Variants in PIEZO1 observed in about 807,000 individuals in gnomAD.
PIEZO1 encodes piezo type mechanosensitive ion channel component 1 (Er blood group), also known as piezo-type mechanosensitive ion channel component 1.
A neutral mutation model predicts 297.2 loss-of-function variants in PIEZO1; 296 were observed. The observed-to-expected ratio is 1.00, with a 90% confidence interval of 0.91 to 1.10. PIEZO1 has a LOEUF of 1.10. Among genes scored for constraint, PIEZO1 ranks in the 50% least tolerant of loss-of-function variants. The pLI is 0.00. For synonymous variants in PIEZO1, 2,427 were observed against 1,507.5 expected, an observed-to-expected ratio of 1.61 and a Z score of -14.13; for missense variants, 5,018 against 3,455.5, an observed-to-expected ratio of 1.45 and a Z score of -11.34.
At chr16:88,734,590 G>A (rs1905079930) in intron 15 of PIEZO1, 52 bp from the exon 16 acceptor site, 2 of 1,547,176 alleles carry the variant, frequency 1.3e-6, no homozygotes, top group South Asian at 1.2e-5. Context: ...AGCCGCTGCA[G>A]CCCCGGGGAA....
intron 43 of PIEZO1, 26 bp from the exon 44 acceptor site, chr16:88,719,747 G>A: frequency 6.5e-7 from 1 of 1,550,352 alleles, no homozygotes; most frequent in East Asian, 2.4e-5. Context: ...GTTCCCGTCA[G>A]GTGGGCTCCC....
At position 88,759,744 on chromosome 16, in the gene PIEZO1, C is replaced by G. The variant is rs147823574; in HGVS notation, c.65-10265G>C. Among the ~76,000 whole-genome samples, 744 of 152,304 alleles carry G rather than the reference C, an allele frequency of 4.9e-3. 5 individuals carry two copies. The highest frequency in any genetic ancestry group is 0.017 in the African/African-American group (702 of 41,562). On this transcript the variant is annotated intron_variant, in intron 1 of 50. Transcript: ENST00000301015. The stretch of plus-strand genomic sequence containing the variant: ...AAGAAGAAGGCTGGCAAGGTTGGCC[C>G]AGGGGACGGGGGGAAGCCAGCCCGC...
intron 1 of PIEZO1, among the ~76,000 whole-genome samples, chr16:88,758,806 AG>A (rs1272256352): frequency 1.3e-5 from 2 of 152,214 alleles, no homozygotes; most frequent in African/African-American, 4.8e-5. Context: ...CCCTCCTCAC[AG>A]GATTGTCGCA....
At chr16:88,724,986 A>G (rs1399156704) in intron 30 of PIEZO1, 23 bp downstream of exon 30, 2 of 1,430,792 alleles carry the variant, frequency 1.4e-6, no homozygotes, top group Non-Finnish European at 1.8e-6. Context: ...GAGGGTGGCC[A>G]CAGGCGGCCT....
At chr16:88,756,872 C>G (rs12598064) in intron 1 of PIEZO1, among the ~76,000 whole-genome samples, 7 of 151,918 alleles carry the variant, frequency 4.6e-5, no homozygotes, top group African/African-American at 1.2e-4. Context: ...GTCAGGAGAT[C>G]GAGACCATCC....
At position 88,716,841 on chromosome 16, in the gene PIEZO1, A is replaced by G; in HGVS notation, c.6718T>C (p.Tyr2240His). The stretch of plus-strand genomic sequence containing the variant: ...TCAAACTGCCGGGACAGCTCCTCAT[A>G]GGCCTGGGCCGTGAAGGGGATGATG... The part of the protein sequence containing the change: ...PSIIPFTAQA[Y>H]EELSRQFDPQ... The change falls in exon 46 of 51, where the codon TAT becomes CAT. Residue 2240 changes from tyrosine (Y) to histidine (H), a missense_variant. Coordinates refer to ENST00000301015, the MANE Select transcript of PIEZO1 (RefSeq NM_001142864.4). 1 of 1,550,138 alleles carries G rather than the reference A, an allele frequency of 6.5e-7. No individual in the cohort carries two copies. Among genetic ancestry groups the G allele is most frequent in the East Asian group, 2.4e-5 (1 of 40,924 alleles).
intron 44 of PIEZO1, 54 bp downstream of exon 44, chr16:88,719,520 G>C (rs1912275417): frequency 1.3e-6 from 2 of 1,500,076 alleles, no homozygotes; most frequent in Non-Finnish European, 9.1e-7. Flanking sequence ...CTCTGTCTTA[G>C]GGAGAGGGCA....
Position 88,721,968 on chromosome 16 carries a change from G to A in PIEZO1, c.5054C>T (p.Ala1685Val), listed in dbSNP as rs1008288721. The change falls in exon 37 of 51, where the codon GCC (alanine) becomes GTC (valine). Residue 1685 changes from alanine (A) to valine (V), a missense_variant. Coordinates refer to ENST00000301015, the MANE Select transcript of PIEZO1 (RefSeq NM_001142864.4). ...LLRAVYQCVAAHSELLCYFII... is the reference protein window; with the variant it reads ...LLRAVYQCVAVHSELLCYFII... ...GAAGTAGCAGAGCAGCTCCGAGTGG[G>A]CGGCCACACACTGGTACACGGCCCG... 5.4e-5 allele frequency: 84 copies of A among 1,549,928 alleles called. No homozygotes were observed. Among genetic ancestry groups the A allele is most frequent in the Non-Finnish European group, 7.2e-5 (82 of 1,146,824 alleles).
intron 1 of PIEZO1, among the ~76,000 whole-genome samples, chr16:88,781,833 A>C (rs1907952072): frequency 6.6e-6 from 1 of 152,230 alleles, no homozygotes; most frequent in African/African-American, 2.4e-5. Context: ...TGTTCTGAAA[A>C]AGGAGGCAGC....
At chr16:88,775,078 C>T (rs1464040601) in intron 1 of PIEZO1, among the ~76,000 whole-genome samples, 2 of 152,206 alleles carry the variant, frequency 1.3e-5, no homozygotes, top group East Asian at 3.8e-4. Context: ...ACAGAGTTCC[C>T]GGCCGTACCC....
chr16:88,715,579 TC>T lies in PIEZO1; in HGVS notation c.*25del, dbSNP rs1376376427. 6 of 1,543,998 alleles carry T rather than the reference TC, an allele frequency of 3.9e-6. No individual in the cohort carries two copies. Among genetic ancestry groups the T allele is most frequent in the Middle Eastern group, 1.7e-4 (1 of 5,722 alleles). On this transcript the variant is annotated 3_prime_UTR_variant, in exon 51 of 51. Transcript: ENST00000301015. ...CACGCTGCCCAGCAGGCCGGCTCCTTCCCTCTCGGGCGCCAGCAGCAGCTCC... is the reference window on the plus strand; with the variant it reads ...CACGCTGCCCAGCAGGCCGGCTCCTTCCTCTCGGGCGCCAGCAGCAGCTCC...
At chr16:88,735,957 C>G (rs1405192215) in intron 12 of PIEZO1, among the ~76,000 whole-genome samples, 191 bp downstream of exon 12, 1 of 152,248 alleles carries the variant, frequency 6.6e-6, no homozygotes, top group African/African-American at 2.4e-5. Flanking sequence ...ACAAGGTTGT[C>G]TGTTTATTCA....
intron 1 of PIEZO1, among the ~76,000 whole-genome samples, chr16:88,767,250 T>C (rs3848236): frequency 0.35 from 52,543 of 152,026 alleles, 10,408 homozygotes; most frequent in Middle Eastern, 0.47. Context: ...TGGAATTCCA[T>C]CCAGGGCCAT....
Position 88,735,060 on chromosome 16 carries a change from G to C in PIEZO1, c.1670-7C>G. 1 of 1,550,254 alleles carries C rather than the reference G, an allele frequency of 6.5e-7. No homozygotes were observed. The highest frequency in any genetic ancestry group is 8.7e-7 in the Non-Finnish European group (1 of 1,146,846). The stretch of plus-strand genomic sequence containing the variant: ...GTCTGCGTCCGCGTGGGCTCTGTGG[G>C]CCAAGCCAGGGGCAGGCGATGGCAT... On this transcript the variant is annotated splice_polypyrimidine_tract_variant and splice_region_variant and intron_variant, in intron 13 of 50. Coordinates refer to ENST00000301015, the MANE Select transcript of PIEZO1 (RefSeq NM_001142864.4).
intron 34 of PIEZO1, 47 bp from the exon 35 acceptor site, chr16:88,722,736 C>T (rs1330760035): frequency 1.3e-6 from 2 of 1,530,794 alleles, no homozygotes; most frequent in East Asian, 2.5e-5. Flanking sequence ...GCTCTTGTCC[C>T]CACACGGGGT....
intron 18 of PIEZO1, 34 bp from the exon 19 acceptor site, chr16:88,733,488 G>T: frequency 1.3e-6 from 2 of 1,536,452 alleles, no homozygotes; most frequent in Non-Finnish European, 1.8e-6. Context: ...CTGGGCTTGG[G>T]GAGGGCAGTG....
At chr16:88,725,139 T>G in intron 29 of PIEZO1, 59 bp from the exon 30 acceptor site, 1 of 1,215,066 alleles carries the variant, frequency 8.2e-7, no homozygotes, top group Non-Finnish European at 1.1e-6. Context: ...GGGTCGGGGC[T>G]GTGAGTGCTC....
At chr16:88,777,666 A>C (rs147455491) in intron 1 of PIEZO1, among the ~76,000 whole-genome samples, 2,343 of 152,358 alleles carry the variant, frequency 0.015, 49 homozygotes, top group African/African-American at 0.053. Context: ...CTTTAACCAT[A>C]AACAGAAATC....
rs748424033 is a variant in PIEZO1 at position 88,749,403 on chromosome 16, G to A, written c.141C>T (p.Pro47=). The A allele has an allele frequency of 6.6e-6, 10 of 1,517,248 alleles. No homozygotes were observed. The highest frequency in any genetic ancestry group is 6.2e-5 in the South Asian group (5 of 80,354). The allele number at this position is 1,517,248 out of a possible 1,614,324, so 94.0% of individuals were successfully genotyped here. The part of the protein sequence containing the change: ...FLLLLPWFPG[P]TRCGLQGHTG... Reference sequence around the variant, plus strand: ...CCTTACCTTGGAGGCCGCATCGGGTGGGGCCGGGGAACCAGGGCAGCAGCA... The same window carrying A: ...CCTTACCTTGGAGGCCGCATCGGGTAGGGCCGGGGAACCAGGGCAGCAGCA... The change falls in exon 2 of 51, where the codon CCC becomes CCT. Residue 47 remains proline (P), a synonymous_variant. Transcript: ENST00000301015.
Sources: gnomAD v4.1 joint callset for allele counts (sites outside exome capture counted in the v4.1 genomes callset) on GRCh38, gnomAD v4.1.1 for gene constraint, MANE v1.5 for transcripts, NCBI Gene and HGNC (gene_info 2026-07-23, HGNC 2026-07-21) for gene names.